ANKS1B: variants seen among roughly 807,000 people sequenced by gnomAD.
ANKS1B encodes the protein ankyrin repeat and sterile alpha motif domain-containing protein 1B.
Under a neutral mutation model 148.3 loss-of-function variants are expected in ANKS1B, and 36 were observed. The ratio of observed to expected loss-of-function variants is 0.24; its 90% CI spans 0.19 to 0.32. The LOEUF (loss-of-function observed/expected upper bound fraction) is 0.32. Among genes scored for constraint, ANKS1B ranks in the 10% least tolerant of loss-of-function variants. The pLI is 1.00. For missense variants in ANKS1B, 1,157 were observed against 1,542.6 expected (o/e 0.75, Z 4.19); for synonymous variants, 542 against 560.8 (o/e 0.97, Z 0.47).
At chr12:99,394,348 A>G (rs1319526692) in intron 12 of ANKS1B, among the ~76,000 whole-genome samples, 1 of 152,154 alleles carries the variant, frequency 6.6e-6, no homozygotes, top group African/African-American at 2.4e-5. Flanking sequence ...TTGGTTAATA[A>G]TAGAATTCAT....
chr12:99,482,037 T>C (rs1294122397), intron 10 of ANKS1B, among the ~76,000 whole-genome samples: 1 of 152,016 alleles, frequency 6.6e-6, no homozygotes, highest in Non-Finnish European at 1.5e-5. Flanking sequence ...TTTAGTTTAA[T>C]TAGGTCCCAT....
chr12:99,741,051 T>C (rs1182990471), intron 8 of ANKS1B, among the ~76,000 whole-genome samples: 1 of 151,594 alleles, frequency 6.6e-6, no homozygotes, highest in Non-Finnish European at 1.5e-5. Flanking sequence ...CTACTGAAAA[T>C]ACAAAAATTA....
chr12:99,061,532 A>C (rs2153560436), intron 16 of ANKS1B, among the ~76,000 whole-genome samples: 1 of 152,340 alleles, frequency 6.6e-6, no homozygotes, highest in South Asian at 2.1e-4. Context: ...AGTGCTTTGG[A>C]GGATGACAGA....
chr12:99,916,623 C>G (rs528539433), intron 1 of ANKS1B, among the ~76,000 whole-genome samples: 1 of 152,208 alleles, frequency 6.6e-6, no homozygotes, highest in Non-Finnish European at 1.5e-5. Flanking sequence ...CCTGGTATCA[C>G]TTCTGCTCTG....
At chr12:99,730,945 C>T (rs2059082538) in intron 8 of ANKS1B, among the ~76,000 whole-genome samples, 1 of 151,888 alleles carries the variant, frequency 6.6e-6, no homozygotes, top group African/African-American at 2.4e-5. Flanking sequence ...TGTTTGTTTG[C>T]TTGTTTTTGA....
intron 17 of ANKS1B, among the ~76,000 whole-genome samples, chr12:99,042,538 G>A (rs368334127): frequency 2.0e-5 from 3 of 152,138 alleles, no homozygotes; most frequent in Admixed American, 6.6e-5. Context: ...AATGTCTATC[G>A]CTTTAAGCCA....
chr12:99,074,329 TAA>T (rs79798452), intron 16 of ANKS1B, among the ~76,000 whole-genome samples: 32 of 138,918 alleles, frequency 2.3e-4, no homozygotes, highest in African/African-American at 7.2e-4. Flanking sequence ...GATAAATTCT[TAA>T]AAAAAAAAAA....
chr12:99,421,103 G>C (rs1472789684), intron 11 of ANKS1B, among the ~76,000 whole-genome samples: 1 of 152,140 alleles, frequency 6.6e-6, no homozygotes, highest in Non-Finnish European at 1.5e-5. Flanking sequence ...CTAGAATAAG[G>C]CCTAAATTAG....
In ANKS1B at chr12:99,908,389, G is replaced by A. The variant is rs12322769; in HGVS notation, c.134+75715C>T. Among the ~76,000 whole-genome samples the A allele has an allele frequency of 3.2e-3, 482 of 152,142 alleles. 5 individuals are homozygous for A. Among genetic ancestry groups the A allele is most frequent in the African/African-American group, 0.011 (450 of 41,506 alleles). ...GAGCTCAAAAGTTGGAGACCAGCCAGGGCAACATAGTAAAACCCATCTCTA... is the reference window on the plus strand; with the variant it reads ...GAGCTCAAAAGTTGGAGACCAGCCAAGGCAACATAGTAAAACCCATCTCTA... On this transcript the variant is annotated intron_variant, in intron 1 of 26. Coordinates refer to ENST00000683438, the MANE Select transcript of ANKS1B (RefSeq NM_001352186.2).
chr12:98,921,309 G>A (rs1299303304), intron 17 of ANKS1B, among the ~76,000 whole-genome samples: 1 of 152,166 alleles, frequency 6.6e-6, no homozygotes, highest in Non-Finnish European at 1.5e-5. Flanking sequence ...CCCTCAGCAA[G>A]TTCATAGCCT....
At chr12:98,737,556 G>A (rs748506244) in intron 9 of ANKS1B, among the ~76,000 whole-genome samples, 4 of 152,152 alleles carry the variant, frequency 2.6e-5, no homozygotes, top group Non-Finnish European at 4.4e-5. Flanking sequence ...TGCAATGAGG[G>A]CCTCAGTAAA....
At chr12:99,554,227 C>T (rs1164874396) in intron 9 of ANKS1B, among the ~76,000 whole-genome samples, 1 of 152,044 alleles carries the variant, frequency 6.6e-6, no homozygotes, top group African/African-American at 2.4e-5. Context: ...AGAAAAGTAA[C>T]CCAATTGAGA....
At chr12:99,265,777 T>C (rs545871248) in intron 12 of ANKS1B, among the ~76,000 whole-genome samples, 45 of 152,254 alleles carry the variant, frequency 3.0e-4, no homozygotes, top group African/African-American at 1.1e-3. Context: ...CAGGATCCAA[T>C]GGTACCTCCT....
At chr12:99,454,967 T>C (rs1511958) in intron 10 of ANKS1B, among the ~76,000 whole-genome samples, 6,667 of 152,196 alleles carry the variant, frequency 0.044, 494 homozygotes, top group African/African-American at 0.15. Flanking sequence ...AAAGAAAATA[T>C]TTTGCATCAC....
At chr12:99,069,282 A>T (rs1458845289) in intron 16 of ANKS1B, among the ~76,000 whole-genome samples, 1 of 152,194 alleles carries the variant, frequency 6.6e-6, no homozygotes, top group Non-Finnish European at 1.5e-5. Context: ...CACTCAGAAA[A>T]GTGATCTGGC....
chr12:99,666,504 C>T (rs2098507659), intron 8 of ANKS1B, among the ~76,000 whole-genome samples: 1 of 151,960 alleles, frequency 6.6e-6, no homozygotes, highest in Admixed American at 6.5e-5. Flanking sequence ...AGGTCTTGCC[C>T]ATATCCTGTT....
chr12:98,799,015 A>C lies in ANKS1B; in HGVS notation c.3271-10T>G. 6.4e-7 allele frequency: 1 copy of C among 1,556,146 alleles called. No homozygotes were observed. Among genetic ancestry groups the C allele is most frequent in the Non-Finnish European group, 8.7e-7 (1 of 1,144,344 alleles). ...GCATAGAACCTAAATACTAAAATAC[A>C]AAAAAAATTCAATGATTTATGAAAT... is the stretch of plus-strand genomic sequence containing the variant. On this transcript the variant is annotated splice_polypyrimidine_tract_variant and intron_variant, in intron 21 of 26. Coordinates refer to ENST00000683438, the MANE Select transcript of ANKS1B (RefSeq NM_001352186.2).
intron 11 of ANKS1B, among the ~76,000 whole-genome samples, chr12:99,430,326 C>T (rs946896096): frequency 6.6e-6 from 1 of 151,854 alleles, no homozygotes; most frequent in African/African-American, 2.4e-5. Context: ...AAGTGACATG[C>T]TTTGGTGGCT....
intron 14 of ANKS1B, among the ~76,000 whole-genome samples, chr12:99,193,639 G>GA: frequency 6.6e-6 from 1 of 152,086 alleles, no homozygotes; most frequent in South Asian, 2.1e-4. Context: ...CTTGTGATGG[G>GA]TGAGGAAAAG....
Sources: allele counts gnomAD v4.1 joint callset (sites outside exome capture counted in the v4.1 genomes callset), GRCh38; gene constraint gnomAD v4.1.1; transcripts MANE v1.5; gene names NCBI Gene and HGNC (gene_info 2026-07-23, HGNC 2026-07-21).